The following MACROD2 variants were observed in gnomAD, a reference collection of about 807,000 sequenced individuals.
The protein encoded by MACROD2 is mono-ADP ribosylhydrolase 2.
MACROD2 carries 36 observed loss-of-function variants against 70.4 expected under a neutral mutation model. The observed-to-expected ratio is 0.51, with a 90% CI of 0.39 to 0.68. The LOEUF (loss-of-function observed/expected upper bound fraction) is 0.68, where lower values mean the gene tolerates loss of function less well. MACROD2 is among the 30% of genes least tolerant of loss of function. The pLI, the probability that MACROD2 is intolerant of heterozygous loss-of-function variation, is 0.00. For missense variants in MACROD2, 496 were observed against 538.4 expected, an observed-to-expected ratio of 0.92 and a Z score of 0.78; for synonymous variants, 172 against 178.8, an observed-to-expected ratio of 0.96 and a Z score of 0.30.
chr20:14,201,293 G>T (rs1384345613), intron 3 of MACROD2, among the ~76,000 whole-genome samples: 8 of 152,156 alleles, frequency 5.3e-5, no homozygotes, highest in Admixed American at 5.2e-4. Flanking sequence ...TATAAACTAT[G>T]CAATCAGCTT....
At chr20:15,831,816 A>G (rs895111194) in intron 8 of MACROD2, among the ~76,000 whole-genome samples, 2 of 152,206 alleles carry the variant, frequency 1.3e-5, no homozygotes, top group African/African-American at 2.4e-5. Context: ...AAGCCAGTCC[A>G]GTGTCCCTGG....
Position 15,069,906 on chromosome 20 carries a change from C to T in MACROD2, c.419-160034C>T, listed in dbSNP as rs1031815701. Among the ~76,000 whole-genome samples the T allele has an allele frequency of 2.0e-5, 3 of 152,154 alleles. No individual in the cohort carries two copies. The South Asian group carries it at 6.2e-4, about 32-fold the overall frequency. ...ATACAGAATCCCCACTGGGGCACTG[C>T]CTAGTGGAGCTGTGGGAAGGGGTTG... On this transcript the variant is annotated intron_variant, in intron 5 of 17. Transcript: ENST00000684519.
chr20:14,467,489 G>C (rs940027276), intron 3 of MACROD2, among the ~76,000 whole-genome samples: 5 of 152,074 alleles, frequency 3.3e-5, no homozygotes, highest in Non-Finnish European at 1.5e-5. Flanking sequence ...CTTCCCGGGT[G>C]AGGCGATGCC....
intron 5 of MACROD2, among the ~76,000 whole-genome samples, chr20:14,737,660 A>G (rs150404714): frequency 0.012 from 1,849 of 152,196 alleles, 41 homozygotes; most frequent in African/African-American, 0.042. Context: ...CTGGCTTGAG[A>G]TGGTGTCTCA....
At chr20:15,442,904 T>G (rs907959619) in intron 7 of MACROD2, among the ~76,000 whole-genome samples, 1 of 152,106 alleles carries the variant, frequency 6.6e-6, no homozygotes, top group African/African-American at 2.4e-5. Context: ...GCTTACAAAT[T>G]TGAAAGTATG....
chr20:14,637,550 T>G (rs1286209793), intron 4 of MACROD2, among the ~76,000 whole-genome samples: 1 of 152,236 alleles, frequency 6.6e-6, no homozygotes, highest in East Asian at 1.9e-4. Context: ...CCTGACACCC[T>G]GAAGCCTAAT....
intron 5 of MACROD2, among the ~76,000 whole-genome samples, chr20:14,719,482 A>T (rs1221980842): frequency 2.0e-5 from 3 of 151,788 alleles, no homozygotes; most frequent in Admixed American, 6.6e-5. Flanking sequence ...AGAAAAAAAA[A>T]AAAAAGAAAG....
intron 8 of MACROD2, among the ~76,000 whole-genome samples, chr20:15,506,884 C>G (rs938574458): frequency 1.3e-5 from 2 of 152,158 alleles, no homozygotes; most frequent in Non-Finnish European, 2.9e-5. Context: ...TTTTTATGTC[C>G]ACAAACATCA....
intron 3 of MACROD2, among the ~76,000 whole-genome samples, chr20:14,473,595 T>C (rs2084555061): frequency 6.8e-6 from 1 of 146,958 alleles, no homozygotes; most frequent in Non-Finnish European, 1.5e-5. Context: ...TTGTGAATAA[T>C]GCTTCTAACA....
chr20:14,540,659 G>GGGATGTTGCTGGGTCAGGTGA (rs2085420943), intron 4 of MACROD2, among the ~76,000 whole-genome samples: 2 of 152,160 alleles, frequency 1.3e-5, no homozygotes, highest in Admixed American at 1.3e-4. Flanking sequence ...ACAAAAGACA[G>GGGATGTTGCTGGGTCAGGTGA]GGATGTTGCT....
chr20:16,021,999 A>G (rs187539746), intron 15 of MACROD2, among the ~76,000 whole-genome samples: 79 of 152,226 alleles, frequency 5.2e-4, no homozygotes, highest in African/African-American at 1.9e-3. Context: ...CATTTAGCAA[A>G]AAGTAGGTCA....
At chr20:14,261,407 A>G (rs893102318) in intron 3 of MACROD2, among the ~76,000 whole-genome samples, 4 of 152,162 alleles carry the variant, frequency 2.6e-5, no homozygotes, top group Admixed American at 6.6e-5. Flanking sequence ...CTTTTTTCCT[A>G]TACTTATTTT....
intron 3 of MACROD2, among the ~76,000 whole-genome samples, chr20:14,176,018 T>C (rs1338462805): frequency 6.6e-6 from 1 of 152,216 alleles, no homozygotes; most frequent in Non-Finnish European, 1.5e-5. Context: ...TCAGCATTAG[T>C]AGGGAATCCA....
chr20:14,615,163 T>A (rs1015630225), intron 4 of MACROD2, among the ~76,000 whole-genome samples: 2 of 152,024 alleles, frequency 1.3e-5, no homozygotes, highest in African/African-American at 4.8e-5. Context: ...GGGGGCCAGG[T>A]TTTTATTCCT....
chr20:14,228,332 ATTTTTCT>A (rs2081764460), intron 3 of MACROD2, among the ~76,000 whole-genome samples: 1 of 98,664 alleles, frequency 1.0e-5, no homozygotes, highest in African/African-American at 2.9e-5. Flanking sequence ...GGTCATAAAT[ATTTTTCT>A]TTTTTTTTTT....
chr20:15,260,664 T>G (rs2146044176), intron 6 of MACROD2, among the ~76,000 whole-genome samples: 1 of 152,062 alleles, frequency 6.6e-6, no homozygotes, highest in East Asian at 1.9e-4. Context: ...GTAGTTCTGT[T>G]TTTAGTTCTT....
In MACROD2 at chr20:14,928,637, A is replaced by G. The variant is rs372294160; in HGVS notation, c.418+243678A>G. 1.1e-4 allele frequency among the ~76,000 whole-genome samples: 16 copies of G among 152,330 alleles called. No homozygotes were observed. The East Asian group carries it at 2.7e-3, about 26-fold the overall frequency. ...TTTCAAAGGTGCTTGATACCAAAGCATAGGTCCTAAGTCCTCATCATCCTG... is the reference window on the plus strand; with the variant it reads ...TTTCAAAGGTGCTTGATACCAAAGCGTAGGTCCTAAGTCCTCATCATCCTG... On this transcript the variant is annotated intron_variant, in intron 5 of 17. Coordinates refer to ENST00000684519, the MANE Select transcript of MACROD2 (RefSeq NM_001351661.2).
chr20:15,895,793 A>G (rs1049684469), intron 10 of MACROD2, among the ~76,000 whole-genome samples: 7 of 152,218 alleles, frequency 4.6e-5, no homozygotes, highest in Non-Finnish European at 7.3e-5. Flanking sequence ...TAGATAAGGA[A>G]TCAATCTCCG....
At chr20:15,664,628 C>T (rs1009923619) in intron 8 of MACROD2, among the ~76,000 whole-genome samples, 4 of 152,158 alleles carry the variant, frequency 2.6e-5, no homozygotes, top group African/African-American at 7.2e-5. Flanking sequence ...CTCCTCACTG[C>T]GAGTTGTGCT....
Sources: gnomAD v4.1 joint callset for allele counts (sites outside exome capture counted in the v4.1 genomes callset) on GRCh38, gnomAD v4.1.1 for gene constraint, MANE v1.5 for transcripts, NCBI Gene and HGNC (gene_info 2026-07-23, HGNC 2026-07-21) for gene names.